The following PCDH15 variants were observed in gnomAD, a reference collection of about 807,000 sequenced individuals.
PCDH15 encodes the protein protocadherin related 15.
A neutral mutation model predicts 178.5 loss-of-function variants in PCDH15; 129 were observed. The observed-to-expected ratio is 0.72, with a 90% CI of 0.63 to 0.84. The LOEUF is 0.84. PCDH15 is among the 40% of genes least tolerant of loss of function. The pLI is 0.00. For missense variants in PCDH15, 2,230 were observed against 2,099.9 expected, an observed-to-expected ratio of 1.06 and a Z score of -1.21; for synonymous variants, 800 against 732.0, an observed-to-expected ratio of 1.09 and a Z score of -1.50.
chr10:55,151,176 T>C (rs1402458116), intron 2 of PCDH15, among the ~76,000 whole-genome samples: 1 of 152,126 alleles, frequency 6.6e-6, no homozygotes, highest in Admixed American at 6.6e-5. Flanking sequence ...AATTGTCTTA[T>C]CTGGCAGAGA....
At chr10:54,303,363 T>C (rs1472159821) in intron 8 of PCDH15, among the ~76,000 whole-genome samples, 1 of 152,048 alleles carries the variant, frequency 6.6e-6, no homozygotes, top group African/African-American at 2.4e-5. Context: ...CACAATTGTT[T>C]CAAATGGAAA....
At chr10:55,268,872 A>G (rs1423325793) in intron 1 of PCDH15, among the ~76,000 whole-genome samples, 1 of 152,140 alleles carries the variant, frequency 6.6e-6, no homozygotes, top group Non-Finnish European at 1.5e-5. Context: ...AAAGAAATAA[A>G]AGTAGATTAG....
intron 2 of PCDH15, among the ~76,000 whole-genome samples, chr10:55,131,937 AC>A (rs1186577617): frequency 6.6e-6 from 1 of 151,964 alleles, no homozygotes; most frequent in Non-Finnish European, 1.5e-5. Context: ...TTCAATAGGG[AC>A]CTACCCCTTT....
At chr10:54,851,693 C>G (rs996004541) in intron 3 of PCDH15, among the ~76,000 whole-genome samples, 3 of 152,120 alleles carry the variant, frequency 2.0e-5, no homozygotes, top group African/African-American at 7.2e-5. Context: ...ATCCTGACTT[C>G]AAGCAATTCT....
At chr10:53,882,664 C>G (rs1432502945) in intron 26 of PCDH15, among the ~76,000 whole-genome samples, 1 of 152,154 alleles carries the variant, frequency 6.6e-6, no homozygotes, top group Non-Finnish European at 1.5e-5. Flanking sequence ...TGCCTGACCC[C>G]AACTGCTATT....
At chr10:55,236,943 T>C (rs1455783662) in intron 1 of PCDH15, among the ~76,000 whole-genome samples, 2 of 151,422 alleles carry the variant, frequency 1.3e-5, no homozygotes, top group African/African-American at 2.4e-5. Flanking sequence ...TAATATAGTA[T>C]TTCTATTCAA....
At chr10:55,468,768 C>CAA (rs1839893757) in intron 2 of PCDH15, among the ~76,000 whole-genome samples, 1 of 152,098 alleles carries the variant, frequency 6.6e-6, no homozygotes, top group African/African-American at 2.4e-5. Context: ...AATGTACTAA[C>CAA]AAATTAACAG....
intron 2 of PCDH15, among the ~76,000 whole-genome samples, chr10:55,447,204 A>G (rs1035969093): frequency 3.9e-5 from 6 of 152,078 alleles, no homozygotes; most frequent in Non-Finnish European, 8.8e-5. Context: ...AAGTGTAGTA[A>G]ACGTTTTCAT....
At chr10:55,071,478 C>A (rs2132013706) in intron 2 of PCDH15, among the ~76,000 whole-genome samples, 1 of 152,030 alleles carries the variant, frequency 6.6e-6, no homozygotes, top group African/African-American at 2.4e-5. Context: ...TTTAAACCAA[C>A]AAAGATAAAA....
intron 8 of PCDH15, among the ~76,000 whole-genome samples, chr10:54,249,721 T>C (rs985260344): frequency 6.6e-6 from 1 of 151,924 alleles, no homozygotes; most frequent in Non-Finnish European, 1.5e-5. Flanking sequence ...CATCTGAAAA[T>C]TATGTGAATA....
At chr10:54,382,207 G>GT (rs996046975) in intron 3 of PCDH15, among the ~76,000 whole-genome samples, 1 of 152,074 alleles carries the variant, frequency 6.6e-6, no homozygotes, top group South Asian at 2.1e-4. Flanking sequence ...CTCTAGGGAC[G>GT]TTTTTTATAA....
chr10:54,402,550 T>C (rs1589228540), intron 3 of PCDH15, among the ~76,000 whole-genome samples: 1 of 152,124 alleles, frequency 6.6e-6, no homozygotes, highest in East Asian at 1.9e-4. Context: ...GTCCTTCAAA[T>C]AAATAGCAAA....
At chr10:53,846,637 T>C (rs1303527062) in intron 28 of PCDH15, among the ~76,000 whole-genome samples, 1 of 151,996 alleles carries the variant, frequency 6.6e-6, no homozygotes, top group African/African-American at 2.4e-5. Context: ...TTATTTTTGG[T>C]AGATGCTCTA....
intron 1 of PCDH15, among the ~76,000 whole-genome samples, chr10:54,664,930 G>C (rs796506884): frequency 6.8e-6 from 1 of 147,522 alleles, no homozygotes; most frequent in Non-Finnish European, 1.5e-5. Flanking sequence ...AAAAAAGAAA[G>C]AAAACAACTG....
intron 2 of PCDH15, among the ~76,000 whole-genome samples, chr10:55,333,475 T>G (rs908180980): frequency 6.6e-6 from 1 of 152,080 alleles, no homozygotes; most frequent in East Asian, 1.9e-4. Context: ...TGTGAAATTT[T>G]TAGTAAACAA....
intron 18 of PCDH15, among the ~76,000 whole-genome samples, chr10:54,056,032 C>G (rs2093878834): frequency 6.6e-6 from 1 of 152,140 alleles, no homozygotes; most frequent in African/African-American, 2.4e-5. Flanking sequence ...AAATTATTCC[C>G]AGGAAATCCT....
intron 8 of PCDH15, among the ~76,000 whole-genome samples, chr10:54,285,862 A>G (rs551700361): frequency 2.0e-5 from 3 of 152,224 alleles, no homozygotes; most frequent in Admixed American, 2.0e-4. Flanking sequence ...TGGTATATAT[A>G]CACAATGGAA....
chr10:54,166,758 G>A (rs1314420793), intron 13 of PCDH15, among the ~76,000 whole-genome samples: 1 of 130,332 alleles, frequency 7.7e-6, no homozygotes, highest in African/African-American at 2.5e-5. Flanking sequence ...AGTAACTGAA[G>A]AATCACAAAA....
intron 3 of PCDH15, among the ~76,000 whole-genome samples, chr10:54,882,533 C>G (rs567005740): frequency 6.6e-6 from 1 of 152,066 alleles, no homozygotes; most frequent in Non-Finnish European, 1.5e-5. Context: ...TCACTCCTGG[C>G]CCCCACAAAT....
Sources: allele counts gnomAD v4.1 joint callset (sites outside exome capture counted in the v4.1 genomes callset), GRCh38; gene constraint gnomAD v4.1.1; transcripts MANE v1.5; gene names NCBI Gene and HGNC (gene_info 2026-07-23, HGNC 2026-07-21).